EYS: variants seen among roughly 807,000 people sequenced by gnomAD.
The protein encoded by EYS is EGF-like photoreceptor maintenance factor, also known as protein eyes shut homolog.
Under a neutral mutation model 282.1 loss-of-function variants are expected in EYS, and 250 were observed. The ratio of observed to expected loss-of-function variants is 0.89; its 90% CI spans 0.80 to 0.98. The LOEUF is 0.98. Ranked by LOEUF, EYS falls within the 50% of genes least tolerant of loss-of-function variation. EYS has a pLI of 0.00. For missense variants in EYS, 4,016 were observed against 3,709.0 expected (o/e 1.08, Z -2.15); for synonymous variants, 1,355 against 1,282.9 (o/e 1.06, Z -1.20).
chr6:64,489,599 T>C (rs1330432805), intron 26 of EYS, among the ~76,000 whole-genome samples: 5 of 148,680 alleles, frequency 3.4e-5, no homozygotes, highest in Non-Finnish European at 6.0e-5. Flanking sequence ...TAAATTTTAA[T>C]ATAAAATATT....
chr6:64,070,871 ATAAT>A (rs1172301319), intron 32 of EYS, among the ~76,000 whole-genome samples: 21 of 152,062 alleles, frequency 1.4e-4, no homozygotes, highest in African/African-American at 5.1e-4. Context: ...TAAGGTGTTA[ATAAT>A]TTTATTCATT....
chr6:65,550,186 G>T (rs1296028954), intron 2 of EYS, among the ~76,000 whole-genome samples: 1 of 762 alleles, frequency 1.3e-3, no homozygotes, highest in Non-Finnish European at 1.8e-3. Flanking sequence ...TTTTTTTTTT[G>T]GGGATAAGAC....
At chr6:64,111,906 T>C (rs1481820206) in intron 31 of EYS, among the ~76,000 whole-genome samples, 2 of 152,034 alleles carry the variant, frequency 1.3e-5, no homozygotes, top group Non-Finnish European at 2.9e-5. Flanking sequence ...CATACTGCCA[T>C]TGGCTAATGT....
intron 30 of EYS, among the ~76,000 whole-genome samples, chr6:64,258,777 C>T (rs886126259): frequency 5.3e-5 from 7 of 132,960 alleles, no homozygotes; most frequent in African/African-American, 2.0e-4. Flanking sequence ...AGTGTGAGAT[C>T]CTAGAGCCCT....
At chr6:64,827,428 T>C (rs1765092761) in intron 19 of EYS, among the ~76,000 whole-genome samples, 1 of 151,892 alleles carries the variant, frequency 6.6e-6, no homozygotes, top group South Asian at 2.1e-4. Context: ...TCAGGGATCA[T>C]ACCTATTTAC....
chr6:65,318,226 C>T (rs2150303488), intron 11 of EYS, among the ~76,000 whole-genome samples: 1 of 151,738 alleles, frequency 6.6e-6, no homozygotes, highest in East Asian at 1.9e-4. Context: ...CACAATATAG[C>T]AACTTGTTTT....
At position 64,590,563 on chromosome 6, in the gene EYS, A is replaced by G; in HGVS notation, c.5304T>C (p.Asn1768=). The change falls in exon 26 of 43, where the codon AAT becomes AAC. Residue 1768 remains asparagine, a synonymous_variant. Coordinates refer to ENST00000503581, the MANE Select transcript of EYS (RefSeq NM_001142800.2). ...LKTYSEITHA[N]DFKNNLPPLT... is the part of the protein sequence containing the mutation. ...ATGGTGGCAGATTATTTTTGAAGTC[A>G]TTTGCATGTGTAATTTCTGAATATG... is the stretch of plus-strand genomic sequence containing the variant. The G allele has an allele frequency of 6.4e-7, 1 of 1,551,406 alleles. No homozygotes were observed. The highest frequency in any genetic ancestry group is 1.2e-5 in the South Asian group (1 of 84,064).
At chr6:64,324,084 G>C (rs1312555650) in intron 29 of EYS, among the ~76,000 whole-genome samples, 1 of 152,072 alleles carries the variant, frequency 6.6e-6, no homozygotes, top group Non-Finnish European at 1.5e-5. Flanking sequence ...CTACAAACTT[G>C]ACATGGGATT....
At chr6:65,530,107 C>T (rs1767708561) in intron 2 of EYS, among the ~76,000 whole-genome samples, 1 of 152,098 alleles carries the variant, frequency 6.6e-6, no homozygotes, top group Non-Finnish European at 1.5e-5. Context: ...TCATTAAAAT[C>T]AATCTCAGGT....
intron 33 of EYS, among the ~76,000 whole-genome samples, chr6:64,036,022 C>G (rs1238587853): frequency 6.6e-6 from 1 of 152,172 alleles, no homozygotes; most frequent in Non-Finnish European, 1.5e-5. Flanking sequence ...AGATTTTGAA[C>G]TAGAATTCTG....
intron 36 of EYS, among the ~76,000 whole-genome samples, chr6:63,849,037 G>A (rs370264976): frequency 2.6e-5 from 4 of 152,300 alleles, no homozygotes; most frequent in African/African-American, 4.8e-5. Flanking sequence ...TTGAGTAGGC[G>A]GTTTTCCCCT....
At position 65,660,528 on chromosome 6, in the gene EYS, C is replaced by T. The variant is rs139665333; in HGVS notation, c.-447-20636G>A. 2.8e-3 allele frequency among the ~76,000 whole-genome samples: 418 copies of T among 151,678 alleles called. 2 individuals carry two copies. Among genetic ancestry groups the T allele is most frequent in the African/African-American group, 9.7e-3 (400 of 41,450 alleles). ...AAACCTGTAAGGACAAACAATTGAA[C>T]ATCTAAAGACAGATATCCATATGTA... is the stretch of plus-strand genomic sequence containing the variant. On this transcript the variant is annotated intron_variant, in intron 1 of 42. Coordinates refer to ENST00000503581, the MANE Select transcript of EYS (RefSeq NM_001142800.2).
chr6:65,238,935 T>C (rs566511202), intron 12 of EYS, among the ~76,000 whole-genome samples: 77 of 152,146 alleles, frequency 5.1e-4, no homozygotes, highest in Non-Finnish European at 9.4e-4. Context: ...CATATTAATA[T>C]GCTTAAAAAA....
intron 19 of EYS, among the ~76,000 whole-genome samples, chr6:64,842,373 A>G (rs1583214149): frequency 6.6e-6 from 1 of 151,946 alleles, no homozygotes; most frequent in East Asian, 1.9e-4. Context: ...CCCGAATCTC[A>G]TCTTGAATTG....
At chr6:64,119,532 TA>T (rs1165122079) in intron 31 of EYS, among the ~76,000 whole-genome samples, 1 of 152,236 alleles carries the variant, frequency 6.6e-6, no homozygotes, top group African/African-American at 2.4e-5. Context: ...AAGAAATATT[TA>T]AACCTGTTAA....
At chr6:65,043,338 G>GTA (rs1329740442) in intron 13 of EYS, among the ~76,000 whole-genome samples, 1 of 151,364 alleles carries the variant, frequency 6.6e-6, no homozygotes, top group East Asian at 1.9e-4. Flanking sequence ...TATGACAATA[G>GTA]TACAGCAAAT....
At chr6:64,339,612 G>A (rs1739426) in intron 29 of EYS, among the ~76,000 whole-genome samples, 106,816 of 151,720 alleles carry the variant, frequency 0.7, 37,715 homozygotes, top group African/African-American at 0.75. Flanking sequence ...CATTTGATCC[G>A]GCAATCCCAC....
chr6:65,150,765 C>A (rs1265512954), intron 12 of EYS, among the ~76,000 whole-genome samples: 1 of 151,692 alleles, frequency 6.6e-6, no homozygotes, highest in Non-Finnish European at 1.5e-5. Context: ...TCCTCATATT[C>A]TTTACATAAA....
chr6:65,262,594 A>G (rs1347525475), intron 12 of EYS, among the ~76,000 whole-genome samples: 1 of 152,096 alleles, frequency 6.6e-6, no homozygotes, highest in African/African-American at 2.4e-5. Context: ...GATGGAAGAT[A>G]TAATTTCTTT....
Sources: gnomAD v4.1 joint callset for allele counts (sites outside exome capture counted in the v4.1 genomes callset) on GRCh38, gnomAD v4.1.1 for gene constraint, MANE v1.5 for transcripts, NCBI Gene and HGNC (gene_info 2026-07-23, HGNC 2026-07-21) for gene names.